The following ELFN1 variants were observed in gnomAD, a reference collection of about 807,000 sequenced individuals.
The protein encoded by ELFN1 is extracellular leucine rich repeat and fibronectin type III domain containing 1, also known as protein ELFN1.
In ELFN1, 6 loss-of-function variants were observed where a neutral mutation model predicts 7.6. That is an observed-to-expected ratio of 0.79 (90% CI 0.43 to 1.56). ELFN1 has a LOEUF of 1.56. Among genes scored for constraint, ELFN1 ranks in the 40% most tolerant of loss-of-function variants. The probability of loss-of-function intolerance (pLI) is 0.01; values close to 1 mark genes in which losing one functional copy is unlikely to be tolerated. For synonymous variants in ELFN1, 657 were observed against 588.1 expected, an observed-to-expected ratio of 1.12 and a Z score of -1.70; for missense variants, 1,169 against 1,232.2, an observed-to-expected ratio of 0.95 and a Z score of 0.77.
chr7:1,717,088 C>G (rs545991048), intron 3 of ELFN1, among the ~76,000 whole-genome samples: 1 of 152,302 alleles, frequency 6.6e-6, no homozygotes, highest in South Asian at 2.1e-4. Context: ...ATTTACTGAG[C>G]ACCTTCTTGA....
chr7:1,678,170 G>A (rs1015858323), intron 1 of ELFN1, among the ~76,000 whole-genome samples: 1 of 151,190 alleles, frequency 6.6e-6, no homozygotes, highest in Non-Finnish European at 1.5e-5. Context: ...ACCATGCACA[G>A]TGTGTGTGCC....
At chr7:1,706,449 CA>C (rs372596965) in intron 2 of ELFN1, among the ~76,000 whole-genome samples, 8 of 152,106 alleles carry the variant, frequency 5.3e-5, no homozygotes, top group African/African-American at 1.9e-4. Context: ...CAAAACAAAA[CA>C]AAACAAAACA....
At chr7:1,734,161 A>C (rs1033588739) in intron 3 of ELFN1, among the ~76,000 whole-genome samples, 1 of 152,146 alleles carries the variant, frequency 6.6e-6, no homozygotes, top group Non-Finnish European at 1.5e-5. Flanking sequence ...TGATGAGGAA[A>C]GTGCCAGGCA....
At chr7:1,697,789 C>T (rs766484468) in intron 2 of ELFN1, among the ~76,000 whole-genome samples, 14 of 152,092 alleles carry the variant, frequency 9.2e-5, no homozygotes, top group Admixed American at 2.0e-4. Flanking sequence ...ATTGTTTAAT[C>T]GTAATTTATT....
chr7:1,675,666 C>T (rs2128574326), intron 1 of ELFN1, among the ~76,000 whole-genome samples: 1 of 152,356 alleles, frequency 6.6e-6, no homozygotes, highest in South Asian at 2.1e-4. Flanking sequence ...CGGGGGGCTC[C>T]CCAGACCCTC....
rs1262114119 is a variant in ELFN1, at chr7:1,746,876, G to A, written c.2280G>A (p.Leu760=). 1.2e-5 allele frequency: 18 copies of A among 1,543,866 alleles called. No homozygotes were observed. The Admixed American group carries it at 2.2e-4, about 19-fold the overall frequency. ...AGCTGTCCCCGCAGTACCACAGCCT[G>A]AGCTACTCCTCCAGCCCCGAGTACA... ...YSQLSPQYHS[L]SYSSSPEYTC... Residue 760 remains leucine (L), a synonymous_variant, in exon 4 of 4, where the codon CTG becomes CTA. Coordinates refer to ENST00000424383, the MANE Select transcript of ELFN1 (RefSeq NM_001128636.4).
rs907407036 is a variant in ELFN1, at chr7:1,747,161, C to T, written c.*78C>T. The T allele has an allele frequency of 3.0e-5, 41 of 1,366,776 alleles. No individual in the cohort carries two copies. The highest frequency in any genetic ancestry group is 3.8e-5 in the Non-Finnish European group (40 of 1,044,368). 84.7% of individuals were successfully genotyped at this position (1,366,776 alleles called of 1,614,324 possible). ...CAGAGACTCAGCACCAAACCCAACA[C>T]ACGCACGCCACCACAGCAACTGTGA... On this transcript the variant is annotated 3_prime_UTR_variant, in exon 4 of 4. Transcript: ENST00000424383.
intron 3 of ELFN1, among the ~76,000 whole-genome samples, chr7:1,713,734 G>A (rs952703335): frequency 2.6e-5 from 4 of 152,188 alleles, no homozygotes; most frequent in African/African-American, 4.8e-5. Flanking sequence ...CGTAGGTCTC[G>A]GTTTCCCTCT....
At position 1,740,483 on chromosome 7, in the gene ELFN1, G is replaced by A. The variant is rs890895395; in HGVS notation, c.-293-3821G>A. Among the ~76,000 whole-genome samples, 5 of 152,226 alleles carry A rather than the reference G, an allele frequency of 3.3e-5. No homozygotes were observed. Among genetic ancestry groups the A allele is most frequent in the Admixed American group, 1.3e-4 (2 of 15,290 alleles). On this transcript the variant is annotated intron_variant, in intron 3 of 3. Coordinates refer to ENST00000424383, the MANE Select transcript of ELFN1 (RefSeq NM_001128636.4). The surrounding 1 kb of genome is among the most constrained non-coding windows in gnomAD (Gnocchi z 5.0). ...CGGATCGCTGGACGTGGGGTGCAGCGGCAGGTGTGAGTGCGGATCAGCGAG... is the reference window on the plus strand; with the variant it reads ...CGGATCGCTGGACGTGGGGTGCAGCAGCAGGTGTGAGTGCGGATCAGCGAG...
chr7:1,703,174 C>T (rs778542066), intron 2 of ELFN1, among the ~76,000 whole-genome samples: 4 of 152,112 alleles, frequency 2.6e-5, no homozygotes, highest in Non-Finnish European at 5.9e-5. Context: ...CCATACGTTT[C>T]GTAACCACCT....
chr7:1,697,216 A>G (rs1779334813), intron 2 of ELFN1, among the ~76,000 whole-genome samples: 1 of 151,944 alleles, frequency 6.6e-6, no homozygotes, highest in South Asian at 2.1e-4. Context: ...GAGAGAGGCC[A>G]GGTCTAGAGG....
In ELFN1 at chr7:1,676,156, G is replaced by C. The variant is rs148376440; in HGVS notation, c.-549+5802G>C. Among the ~76,000 whole-genome samples, 91 of 152,326 alleles carry C rather than the reference G, an allele frequency of 6.0e-4. 1 individual carries two copies. The East Asian group carries it at 0.013, about 21-fold the overall frequency. On this transcript the variant is annotated intron_variant, in intron 1 of 3. Coordinates refer to ENST00000424383, the MANE Select transcript of ELFN1 (RefSeq NM_001128636.4). ...AAGTGCCTACCTCTGCCTAAAGGGT[G>C]CTGGTAGTGGCTCCAGGGCACCCTG...
At chr7:1,697,233 G>C (rs1779335385) in intron 2 of ELFN1, among the ~76,000 whole-genome samples, 2 of 152,210 alleles carry the variant, frequency 1.3e-5, no homozygotes, top group Admixed American at 6.5e-5. Flanking sequence ...GAGGGGAAAG[G>C]GGAGGGTCTC....
In ELFN1 at chr7:1,745,187, G is replaced by A; in HGVS notation, c.591G>A (p.Glu197=). 6.5e-7 allele frequency: 1 copy of A among 1,546,932 alleles called. No homozygotes were observed. Among genetic ancestry groups the A allele is most frequent in the South Asian group, 1.2e-5 (1 of 84,056 alleles). ...GCAACCCCTTCTACTGCTCCTGCGA[G>A]CTGCTGGGCTTCCTGCGCTGGCTGG... ...LYSNPFYCSC[E]LLGFLRWLAA... is the part of the protein sequence containing the mutation. The change falls in exon 4 of 4, where the codon GAG becomes GAA. Residue 197 remains glutamate, a synonymous_variant. Coordinates refer to ENST00000424383, the MANE Select transcript of ELFN1 (RefSeq NM_001128636.4).
At chr7:1,741,083 T>C (rs1039943986) in intron 3 of ELFN1, among the ~76,000 whole-genome samples, 4 of 149,904 alleles carry the variant, frequency 2.7e-5, no homozygotes, top group African/African-American at 7.4e-5. Flanking sequence ...TGAGCTGAGA[T>C]TGCACCACTG....
chr7:1,744,601 C>G lies in ELFN1; in HGVS notation c.5C>G (p.Ala2Gly). The stretch of plus-strand genomic sequence containing the variant: ...GCTCCCTGCAGGGCGGTCCCGATGG[C>G]CGGGCGTGGGTGGGGCGCGCTGTGG... Reference protein sequence around the residue: MAGRGWGALWVC... With the variant: MGGRGWGALWVC... The change falls in exon 4 of 4, where the codon GCC becomes GGC. Residue 2 changes from alanine (A) to glycine (G), a missense_variant. This residue lies in a region of ELFN1 where 255 missense variants were observed against 359.6 expected (regional missense o/e 0.71). Transcript: ENST00000424383. 1 of 1,517,252 alleles carries G rather than the reference C, an allele frequency of 6.6e-7. No homozygotes were observed. Among genetic ancestry groups the G allele is most frequent in the Non-Finnish European group, 8.8e-7 (1 of 1,133,560 alleles). The allele number at this position is 1,517,252 out of a possible 1,614,324, so 94.0% of individuals were successfully genotyped here. A position where few individuals can be genotyped will look rare whatever the true frequency, so the allele number is the denominator to read the frequency against.
chr7:1,676,724 G>A (rs1040754509), intron 1 of ELFN1, among the ~76,000 whole-genome samples: 5 of 152,226 alleles, frequency 3.3e-5, no homozygotes, highest in African/African-American at 4.8e-5. Flanking sequence ...CCCCGCAGCC[G>A]AGACACGCTT....
chr7:1,697,015 G>C (rs909171402), intron 2 of ELFN1, among the ~76,000 whole-genome samples: 4 of 152,220 alleles, frequency 2.6e-5, no homozygotes, highest in African/African-American at 9.6e-5. Context: ...CTCAGAGGAG[G>C]TGACTCGCCC....
rs556269857 is a variant in ELFN1 at position 1,693,883 on chromosome 7, C to T, written c.-456+5733C>T. On this transcript the variant is annotated intron_variant, in intron 2 of 3. Coordinates refer to ENST00000424383, the MANE Select transcript of ELFN1 (RefSeq NM_001128636.4). ...CCAGCAGGAGTGAGAGTGCTTCCTC[C>T]TCCCCAGTCCATGCCACCTCCTCCT... The T allele has an allele frequency of 1.4e-5, 6 of 422,970 alleles. No homozygotes were observed. The East Asian group carries it at 2.2e-4, about 15-fold the overall frequency. The allele number at this position is 422,970 out of a possible 1,614,324, so 26.2% of individuals were successfully genotyped here. A position where few individuals can be genotyped will look rare whatever the true frequency, so the allele number is the denominator to read the frequency against.
Sources: gnomAD v4.1 joint callset for allele counts (sites outside exome capture counted in the v4.1 genomes callset) on GRCh38, gnomAD v4.1.1 for gene constraint, gnomAD v4.1.1 regional missense constraint, Gnocchi (gnomAD v3.1) non-coding constraint, MANE v1.5 for transcripts, NCBI Gene and HGNC (gene_info 2026-07-23, HGNC 2026-07-21) for gene names.